HERC5: variants seen among roughly 807,000 people sequenced by gnomAD.
The protein encoded by HERC5 is HECT and RLD domain containing E3 ubiquitin protein ligase 5, also known as E3 ISG15--protein ligase HERC5.
A neutral mutation model predicts 119.6 loss-of-function variants in HERC5; 99 were observed. That is an observed-to-expected ratio of 0.83 (90% CI 0.70 to 0.98). The LOEUF is 0.98. Among genes scored for constraint, HERC5 ranks in the 50% least tolerant of loss-of-function variants. The pLI is 0.00. For missense variants in HERC5, 1,267 were observed against 1,241.3 expected (o/e 1.02, Z -0.31); for synonymous variants, 478 against 445.9 (o/e 1.07, Z -0.91).
At chr4:88,463,711 C>G in intron 5 of HERC5, 88 bp downstream of exon 5, 1 of 1,387,938 alleles carries the variant, frequency 7.2e-7, no homozygotes, top group Non-Finnish European at 1.0e-6. Context: ...GAAAGGTCAT[C>G]ACTTCCTGTA....
Position 88,459,386 on chromosome 4 carries a change from T to C in HERC5, c.305T>C (p.Val102Ala), listed in dbSNP as rs781110845. The part of the protein sequence containing the change: ...KLGKNMKIHS[V>A]DQGAEHMLIL... ...GGAAAAAACATGAAGATACATTCCG[T>C]GGACCAAGGAGCAGAGCACATGCTG... Residue 102 changes from valine (V) to alanine (A), a missense_variant, in exon 2 of 23, where the codon GTG becomes GCG. Physicochemically the swap from Val to Ala is moderately conservative, Grantham distance 64. Transcript: ENST00000264350. The C allele has an allele frequency of 6.9e-6, 11 of 1,596,690 alleles. No individual in the cohort carries two copies. Among genetic ancestry groups the C allele is most frequent in the Non-Finnish European group, 9.4e-6 (11 of 1,172,954 alleles).
intron 13 of HERC5, among the ~76,000 whole-genome samples, chr4:88,480,647 T>TG (rs1294778826): frequency 2.6e-5 from 4 of 152,196 alleles, no homozygotes; most frequent in African/African-American, 9.7e-5. Flanking sequence ...CAATTTAAAT[T>TG]CTCTCCAGAT....
chr4:88,462,478 CCT>C, intron 4 of HERC5, 122 bp downstream of exon 4: 3 of 786,976 alleles, frequency 3.8e-6, no homozygotes, highest in Middle Eastern at 2.5e-4. Context: ...TTCCTGATTA[CCT>C]CTCTGTCTTC....
intron 20 of HERC5, 150 bp downstream of exon 20, chr4:88,501,135 A>C (rs1741935435): frequency 1.7e-6 from 1 of 572,352 alleles, no homozygotes. Flanking sequence ...ATGTGTTTTG[A>C]CATATATATC....
chr4:88,486,362 AT>A (rs1326332103), intron 14 of HERC5, 134 bp downstream of exon 14: 6 of 552,408 alleles, frequency 1.1e-5, no homozygotes, highest in Non-Finnish European at 1.9e-5. Context: ...AATCTATGCA[AT>A]TTTGCAGTCA....
At chr4:88,463,483 A>C in intron 4 of HERC5, 49 bp from the exon 5 acceptor site, 2 of 1,278,348 alleles carry the variant, frequency 1.6e-6, no homozygotes, top group African/African-American at 1.5e-5. Context: ...TCCACTGTGA[A>C]ACTCAGCATT....
chr4:88,487,081 A>T lies in HERC5; in HGVS notation c.1864A>T (p.Asn622Tyr), dbSNP rs1741488649. Residue 622 changes from asparagine to tyrosine, a missense_variant, in exon 15 of 23, where the codon AAT becomes TAT. By Grantham distance (143) the Asn-to-Tyr change is moderately radical. Coordinates refer to ENST00000264350, the MANE Select transcript of HERC5 (RefSeq NM_016323.4). Reference sequence around the variant, plus strand: ...TTTCCATTTTTAGGACGCTTCAGAAAATGTACAATGCTGCGTCATATTCAG... The same window carrying T: ...TTTCCATTTTTAGGACGCTTCAGAATATGTACAATGCTGCGTCATATTCAG... ...LWKMTVDASE[N>Y]VQCCVIFSHF... 1 of 1,607,808 alleles carries T rather than the reference A, an allele frequency of 6.2e-7. No individual in the cohort carries two copies. The highest frequency in any genetic ancestry group is 8.5e-7 in the Non-Finnish European group (1 of 1,176,966).
rs552941488 is a variant in HERC5, at chr4:88,469,846, G to T, written c.1238+586G>T. ...AAAACTAACCCATCACAACTAGCAT[G>T]TAAGCGCCATGAGGACAGCTTTCTT... is the stretch of plus-strand genomic sequence containing the variant. On this transcript the variant is annotated intron_variant, in intron 9 of 22. Coordinates refer to ENST00000264350, the MANE Select transcript of HERC5 (RefSeq NM_016323.4). Among the ~76,000 whole-genome samples, 222 of 152,314 alleles carry T rather than the reference G, an allele frequency of 1.5e-3. 1 individual carries two copies. Among genetic ancestry groups the T allele is most frequent in the South Asian group, 0.013 (62 of 4,834 alleles).
chr4:88,469,736 C>T (rs1343431452), intron 9 of HERC5, among the ~76,000 whole-genome samples: 1 of 152,156 alleles, frequency 6.6e-6, no homozygotes, highest in Non-Finnish European at 1.5e-5. Flanking sequence ...ATGTTAATCT[C>T]ATCTAAAAAA....
At position 88,463,582 on chromosome 4, in the gene HERC5, T is replaced by C. The variant is rs1221615535; in HGVS notation, c.739T>C (p.Phe247Leu). 3 of 1,613,820 alleles carry C rather than the reference T, an allele frequency of 1.9e-6. No homozygotes were observed. Among genetic ancestry groups the C allele is most frequent in the South Asian group, 2.2e-5 (2 of 91,060 alleles). ...AGGACTAGACAATCAGAAAGTTGAA[T>C]TTGTCGCTTGTGGTGGCTCTCACAG... ...IEGLDNQKVE[F>L]VACGGSHSAL... The change falls in exon 5 of 23, where the codon TTT (phenylalanine) becomes CTT (leucine). Residue 247 changes from phenylalanine (F) to leucine (L), a missense_variant. This residue lies in a region of HERC5 where 777 missense variants were observed against 758.0 expected (regional missense o/e 1.03). Coordinates refer to ENST00000264350, the MANE Select transcript of HERC5 (RefSeq NM_016323.4).
chr4:88,474,009 G>C (rs1740964657), intron 11 of HERC5: 1 of 152,218 alleles, frequency 6.6e-6, no homozygotes, highest in African/African-American at 2.4e-5. Context: ...CGGACTCTCA[G>C]ACCTTTGGCA....
At chr4:88,469,095 A>G in intron 8 of HERC5, 62 bp from the exon 9 acceptor site, 1 of 1,039,844 alleles carries the variant, frequency 9.6e-7, no homozygotes, top group South Asian at 1.3e-5. Flanking sequence ...TGTACCTAAA[A>G]GTTGGGTGCC....
chr4:88,462,609 T>G (rs1021576699), intron 4 of HERC5, among the ~76,000 whole-genome samples: 2 of 152,208 alleles, frequency 1.3e-5, no homozygotes, highest in African/African-American at 4.8e-5. Flanking sequence ...GAACCTGGAT[T>G]CTGATTCCCA....
chr4:88,505,509 C>T (rs537582329), intron 22 of HERC5, among the ~76,000 whole-genome samples, 164 bp from the exon 23 acceptor site: 2 of 152,330 alleles, frequency 1.3e-5, no homozygotes, highest in Non-Finnish European at 2.9e-5. Context: ...AGGACAGTGA[C>T]TATGTGTCAG....
At chr4:88,500,401 A>G (rs1414730992) in intron 19 of HERC5, among the ~76,000 whole-genome samples, 1 of 152,226 alleles carries the variant, frequency 6.6e-6, no homozygotes, top group Non-Finnish European at 1.5e-5. Context: ...TATTCTTCAC[A>G]TGGTGGCCTT....
chr4:88,464,733 C>A (rs534017132), intron 6 of HERC5, among the ~76,000 whole-genome samples: 4 of 151,750 alleles, frequency 2.6e-5, no homozygotes, highest in African/African-American at 9.7e-5. Flanking sequence ...GGATTACAGG[C>A]GTGCACTGCC....
At chr4:88,458,041 G>T (rs1470032026) in intron 1 of HERC5, 1 of 986,152 alleles carries the variant, frequency 1.0e-6, no homozygotes, top group Non-Finnish European at 1.2e-6. Context: ...GTGGAGTGAA[G>T]AAATTGGTAT....
In HERC5 at chr4:88,479,337, TC is replaced by T. The variant is rs1442458923; in HGVS notation, c.1583-14del. 1.9e-6 allele frequency: 3 copies of T among 1,552,288 alleles called. No individual in the cohort carries two copies. The highest frequency in any genetic ancestry group is 3.5e-4 in the Middle Eastern group (2 of 5,734). ...AACTCATTTTTTAAAAAATTTGCTT[TC>T]CTTGTGTTCCTCAGAAGAGTATTGG... On this transcript the variant is annotated splice_polypyrimidine_tract_variant and intron_variant, in intron 12 of 22. Transcript: ENST00000264350.
At chr4:88,489,065 T>C in intron 15 of HERC5, 101 bp from the exon 16 acceptor site, 1 of 861,868 alleles carries the variant, frequency 1.2e-6, no homozygotes, top group Non-Finnish European at 1.8e-6. Context: ...AAATGTGACC[T>C]GCACTTATAA....
Sources: gnomAD v4.1 joint callset for allele counts (sites outside exome capture counted in the v4.1 genomes callset) on GRCh38, gnomAD v4.1.1 for gene constraint, gnomAD v4.1.1 regional missense constraint, MANE v1.5 for transcripts, NCBI Gene and HGNC (gene_info 2026-07-23, HGNC 2026-07-21) for gene names.